The following NID2 variants were observed in gnomAD, a reference collection of about 807,000 sequenced individuals.
The protein encoded by NID2 is nidogen-2.
Under a neutral mutation model 145.4 loss-of-function variants are expected in NID2, and 83 were observed. The observed-to-expected ratio is 0.57, with a 90% CI of 0.48 to 0.69. NID2 has a LOEUF of 0.69. Ranked by LOEUF, NID2 falls within the 30% of genes least tolerant of loss-of-function variation. The pLI, the probability that NID2 is intolerant of heterozygous loss-of-function variation, is 0.00. For synonymous variants in NID2, 739 were observed against 701.3 expected (o/e 1.05, Z -0.85); for missense variants, 1,807 against 1,765.7 (o/e 1.02, Z -0.42).
chr14:52,053,970 T>C, intron 4 of NID2, 32 bp from the exon 5 acceptor site: 1 of 1,611,386 alleles, frequency 6.2e-7, no homozygotes, highest in Non-Finnish European at 8.5e-7. Context: ...AATAAGTAGG[T>C]GTTGGATGCA....
In NID2 at chr14:52,005,497, C is replaced by T; in HGVS notation, c.4118-1G>A. 1 of 1,598,000 alleles carries T rather than the reference C, an allele frequency of 6.3e-7. No individual in the cohort carries two copies. The highest frequency in any genetic ancestry group is 8.5e-7 in the Non-Finnish European group (1 of 1,173,998). ...TTACATTACTGTACTTACTTTCTTC[C>T]TGTGAGAGAAGAGCAGGGGTGGGAC... is the stretch of plus-strand genomic sequence containing the variant. On this transcript the variant is annotated splice_acceptor_variant, in intron 21 of 21. Transcript: ENST00000216286. LOFTEE classifies it high-confidence loss of function.
At chr14:52,031,194 A>G (rs944066674) in intron 9 of NID2, among the ~76,000 whole-genome samples, 1 of 151,398 alleles carries the variant, frequency 6.6e-6, no homozygotes, top group African/African-American at 2.4e-5. Context: ...ATGCTCAGGT[A>G]GAATGAATCT....
At chr14:52,029,450 A>G in intron 10 of NID2, 97 bp downstream of exon 10, 2 of 1,169,554 alleles carry the variant, frequency 1.7e-6, no homozygotes, top group South Asian at 1.6e-5. Flanking sequence ...TGGAGGTTGT[A>G]AAGGTGACAG....
At chr14:52,018,917 T>C (rs2140359752) in intron 14 of NID2, 144 bp downstream of exon 14, 1 of 625,064 alleles carries the variant, frequency 1.6e-6, no homozygotes, top group Non-Finnish European at 2.9e-6. Context: ...TGCATATTTG[T>C]ACGCACTATT....
intron 5 of NID2, among the ~76,000 whole-genome samples, chr14:52,051,036 G>A (rs531108816): frequency 2.6e-5 from 4 of 152,346 alleles, no homozygotes; most frequent in African/African-American, 7.2e-5. Flanking sequence ...AGACTCCTCA[G>A]AGAAAGCATG....
intron 2 of NID2, among the ~76,000 whole-genome samples, chr14:52,063,254 G>C (rs1447769677): frequency 1.3e-5 from 2 of 152,212 alleles, no homozygotes; most frequent in Non-Finnish European, 2.9e-5. Context: ...CCCTCAGATG[G>C]GCTGCCAAAC....
chr14:52,064,308 T>C (rs1264223198), intron 2 of NID2, among the ~76,000 whole-genome samples: 1 of 152,198 alleles, frequency 6.6e-6, no homozygotes, highest in Non-Finnish European at 1.5e-5. Context: ...AGAAAAGGAA[T>C]TTACTTCTTA....
chr14:52,006,232 TTC>T, intron 20 of NID2: 1 of 394,922 alleles, frequency 2.5e-6, no homozygotes, highest in Non-Finnish European at 4.7e-6. Context: ...GGTAGTCTTA[TTC>T]TCTAAAGAAC....
At chr14:52,006,114 GT>G (rs1890769438) in intron 20 of NID2, 2 of 470,748 alleles carry the variant, frequency 4.2e-6, no homozygotes, top group South Asian at 4.6e-5. Flanking sequence ...ATGTTCCACA[GT>G]TCCTCATTTG....
intron 9 of NID2, among the ~76,000 whole-genome samples, chr14:52,037,044 C>T (rs186290618): frequency 6.6e-6 from 1 of 152,252 alleles, no homozygotes; most frequent in East Asian, 1.9e-4. Flanking sequence ...CCTAAGAAAC[C>T]ATTAGCAAAT....
chr14:52,011,534 T>C lies in NID2; in HGVS notation c.3550+20A>G, dbSNP rs762156385. 5.6e-6 allele frequency: 9 copies of C among 1,613,872 alleles called. No homozygotes were observed. The highest frequency in any genetic ancestry group is 1.1e-5 in the South Asian group (1 of 91,084). On this transcript the variant is annotated intron_variant, in intron 17 of 21. Transcript: ENST00000216286. ...TTGTAGAATCAAATGAAATGCAGAC[T>C]GCTGAGTGAAGCTGCTGACCTGAAT...
intron 5 of NID2, among the ~76,000 whole-genome samples, chr14:52,053,072 C>T (rs570729779): frequency 7.2e-5 from 11 of 152,300 alleles, no homozygotes; most frequent in African/African-American, 2.4e-4. Context: ...TTTTCTTTCC[C>T]TGTGGGCTCT....
chr14:52,039,265 T>G (rs1192874267), intron 8 of NID2, among the ~76,000 whole-genome samples: 1 of 152,228 alleles, frequency 6.6e-6, no homozygotes, highest in Non-Finnish European at 1.5e-5. Flanking sequence ...CTGCCTCATT[T>G]ATTCCTCACA....
At chr14:52,030,974 A>G (rs1891843962) in intron 9 of NID2, among the ~76,000 whole-genome samples, 1 of 152,246 alleles carries the variant, frequency 6.6e-6, no homozygotes, top group Admixed American at 6.5e-5. Context: ...TGAGGAAAAT[A>G]CTATCTCCAC....
chr14:52,045,018 C>T (rs1220250716), intron 5 of NID2, among the ~76,000 whole-genome samples: 6 of 152,144 alleles, frequency 3.9e-5, no homozygotes, highest in Non-Finnish European at 7.4e-5. Context: ...AGGTGGGAAC[C>T]GAACCTAGGA....
chr14:52,032,574 A>G (rs1395713918), intron 9 of NID2, among the ~76,000 whole-genome samples: 2 of 116,128 alleles, frequency 1.7e-5, no homozygotes, highest in Non-Finnish European at 4.2e-5. Context: ...TAAGACAAGA[A>G]CGTGATCATC....
chr14:52,068,260 CCT>C (rs1425023745), intron 1 of NID2, 97 bp from the exon 2 acceptor site: 1 of 1,205,300 alleles, frequency 8.3e-7, no homozygotes. Context: ...AGGCAAAAAG[CCT>C]CTCTCTCCTT....
intron 19 of NID2, 152 bp downstream of exon 19, chr14:52,007,658 T>C (rs1890839067): frequency 1.4e-6 from 1 of 725,780 alleles, no homozygotes; most frequent in Non-Finnish European, 2.3e-6. Context: ...TTAAGACTCA[T>C]TTACTAGTAC....
Position 52,015,262 on chromosome 14 carries a change from CCTCTGGGTGGG to C in NID2, c.3031_3041del (p.Pro1011AlafsTer6). 1 of 1,610,926 alleles carries C rather than the reference CCTCTGGGTGGG, an allele frequency of 6.2e-7. No individual in the cohort carries two copies. The highest frequency in any genetic ancestry group is 8.5e-7 in the Non-Finnish European group (1 of 1,177,570). The stretch of plus-strand genomic sequence containing the variant: ...TCCAGCGCTCACAGATGGTCGGGGG[CCTCTGGGTGGG>C]CTCTGAGCAGATGGGGAAGAGGGAA... On this transcript the variant is annotated frameshift_variant and splice_region_variant, in exon 15 of 22. Transcript: ENST00000216286. LOFTEE classifies it high-confidence loss of function.
Sources: gnomAD v4.1 joint callset for allele counts (sites outside exome capture counted in the v4.1 genomes callset) on GRCh38, gnomAD v4.1.1 for gene constraint, MANE v1.5 for transcripts, NCBI Gene and HGNC (gene_info 2026-07-23, HGNC 2026-07-21) for gene names.